Variants in PPIC observed in about 807,000 individuals in gnomAD.
PPIC encodes the protein peptidyl-prolyl cis-trans isomerase C.
In PPIC, 19 loss-of-function variants were observed where a neutral mutation model predicts 19.5. The ratio of observed to expected loss-of-function variants is 0.98; its 90% CI spans 0.68 to 1.43. The LOEUF (loss-of-function observed/expected upper bound fraction) is 1.43, where lower values mean the gene tolerates loss of function less well. Ranked by LOEUF, PPIC falls within the 40% of genes most tolerant of loss-of-function variation. The probability of loss-of-function intolerance (pLI) is 0.00; values close to 1 mark genes in which losing one functional copy is unlikely to be tolerated. For synonymous variants in PPIC, 107 were observed against 101.2 expected, an observed-to-expected ratio of 1.06 and a Z score of -0.34; for missense variants, 268 against 268.6, an observed-to-expected ratio of 1.00 and a Z score of 0.02.
Position 123,023,636 on chromosome 5 carries a change from G to T in PPIC, c.*239C>A. On this transcript the variant is annotated 3_prime_UTR_variant, in exon 5 of 5. Transcript: ENST00000306442. ...CAAAGTTTTTTTTAGTTTTAAAATA[G>T]CACCACTTGAGGAAGGGGATATATT... 1 of 399,990 alleles carries T rather than the reference G, an allele frequency of 2.5e-6. No homozygotes were observed. Among genetic ancestry groups the T allele is most frequent in the Non-Finnish European group, 3.9e-6 (1 of 254,962 alleles). 24.8% of individuals were successfully genotyped at this position (399,990 alleles called of 1,614,324 possible). A position where few individuals can be genotyped will look rare whatever the true frequency, so the allele number is the denominator to read the frequency against.
intron 1 of PPIC, among the ~76,000 whole-genome samples, chr5:123,035,985 G>A (rs1044350439): frequency 1.3e-5 from 2 of 152,148 alleles, no homozygotes; most frequent in African/African-American, 4.8e-5. Flanking sequence ...GAGGCGGAGG[G>A]TAGTCTCTCA....
intron 1 of PPIC, 91 bp from the exon 2 acceptor site, chr5:123,029,509 A>G: frequency 1.4e-6 from 2 of 1,455,696 alleles, no homozygotes; most frequent in Non-Finnish European, 1.8e-6. Flanking sequence ...GAATTGACCC[A>G]CATACAAAAG....
Position 123,023,949 on chromosome 5 carries a change from T to C in PPIC, c.565A>G (p.Thr189Ala), listed in dbSNP as rs149445499. ...CCACTGTTGATGATCGAGCAGTTGG[T>C]GAGTGGACGGTCATGCCCATCAGTT... ...QATDGHDRPLTNCSIINSGKI... is the reference protein window; with the variant it reads ...QATDGHDRPLANCSIINSGKI... The change falls in exon 5 of 5, where the codon ACC becomes GCC. Residue 189 changes from threonine to alanine, a missense_variant. Transcript: ENST00000306442. The C allele has an allele frequency of 2.9e-4, 471 of 1,614,112 alleles. 1 individual carries two copies. In the African/African-American group the frequency reaches 5.7e-3, roughly 20 times the overall value.
At chr5:123,024,605 A>C (rs1239884106) in intron 4 of PPIC, among the ~76,000 whole-genome samples, 1 of 152,220 alleles carries the variant, frequency 6.6e-6, no homozygotes, top group Admixed American at 6.5e-5. Context: ...AGTATTTCAC[A>C]CTGAAGTAGG....
intron 1 of PPIC, among the ~76,000 whole-genome samples, chr5:123,031,205 T>C (rs1477652391): frequency 6.6e-6 from 1 of 152,208 alleles, no homozygotes; most frequent in African/African-American, 2.4e-5. Context: ...TGCAAGGTTA[T>C]GTAAAAGGCA....
chr5:123,023,905 C>G lies in PPIC; in HGVS notation c.609G>C (p.Thr203=). ...IINSGKIDVK[T]PFVVEIADW is the part of the protein sequence containing the mutation. ...AATCAGCGATCTCAACCACAAAAGG[C>G]GTTTTCACGTCTATCTTGCCACTGT... The change falls in exon 5 of 5, where the codon ACG becomes ACC. Residue 203 remains threonine (T), a synonymous_variant. Coordinates refer to ENST00000306442, the MANE Select transcript of PPIC (RefSeq NM_000943.5). 6.2e-7 allele frequency: 1 copy of G among 1,613,574 alleles called. No homozygotes were observed. The highest frequency in any genetic ancestry group is 1.1e-5 in the South Asian group (1 of 91,044).
intron 3 of PPIC, among the ~76,000 whole-genome samples, chr5:123,027,058 G>A (rs1202277470): frequency 6.6e-6 from 1 of 152,132 alleles, no homozygotes; most frequent in Non-Finnish European, 1.5e-5. Context: ...GCCGGGCATG[G>A]TGGCGGGCGC....
At chr5:123,035,001 A>C (rs1319422206) in intron 1 of PPIC, among the ~76,000 whole-genome samples, 1 of 152,154 alleles carries the variant, frequency 6.6e-6, no homozygotes, top group East Asian at 1.9e-4. Flanking sequence ...TTCAAATTTT[A>C]AGAATTGCCT....
rs1336726158 is a variant in PPIC at position 123,036,307 on chromosome 5, A to G, written c.117+202T>C. Reference sequence around the variant, plus strand: ...GGCGGAGGTAGGCTGGCCTCAGCCCAGCTCCCCCAGGGTCTCCCCCGGAGC... The same window carrying G: ...GGCGGAGGTAGGCTGGCCTCAGCCCGGCTCCCCCAGGGTCTCCCCCGGAGC... On this transcript the variant is annotated intron_variant, in intron 1 of 4. Coordinates refer to ENST00000306442, the MANE Select transcript of PPIC (RefSeq NM_000943.5). The surrounding 1 kb of genome is among the most constrained non-coding windows in gnomAD (Gnocchi z 4.5). The G allele has an allele frequency of 1.0e-5, 6 of 585,192 alleles. No homozygotes were observed. The highest frequency in any genetic ancestry group is 9.7e-5 in the African/African-American group (5 of 51,638). The allele number at this position is 585,192 out of a possible 1,614,324, so 36.2% of individuals were successfully genotyped here. A position where few individuals can be genotyped will look rare whatever the true frequency, so the allele number is the denominator to read the frequency against.
At position 123,036,232 on chromosome 5, in the gene PPIC, G is replaced by T. The variant is rs377581140; in HGVS notation, c.117+277C>A. The T allele has an allele frequency of 4.7e-5, 23 of 489,902 alleles. No individual in the cohort carries two copies. In the East Asian group the frequency reaches 7.7e-4, roughly 16 times the overall value. 30.3% of individuals were successfully genotyped at this position (489,902 alleles called of 1,614,324 possible). On this transcript the variant is annotated intron_variant, in intron 1 of 4. Transcript: ENST00000306442. The surrounding 1 kb of genome is among the most constrained non-coding windows in gnomAD (Gnocchi z 4.5). The stretch of plus-strand genomic sequence containing the variant: ...TTCCGGAAGCCTCTCCTACCCCCAG[G>T]CTGGTCACCTCGGACTACCGACCCG...
At chr5:123,031,221 A>G (rs1762937293) in intron 1 of PPIC, among the ~76,000 whole-genome samples, 1 of 152,242 alleles carries the variant, frequency 6.6e-6, no homozygotes, top group Non-Finnish European at 1.5e-5. Flanking sequence ...AGGCAATGTG[A>G]GGGCACAAAC....
Position 123,036,272 on chromosome 5 carries a change from A to G in PPIC, c.117+237T>C. ...CTACCGACCCGGGACAAGAAGTCCAAGCAGACTGCGGCGGAGGTAGGCTGG... is the reference window on the plus strand; with the variant it reads ...CTACCGACCCGGGACAAGAAGTCCAGGCAGACTGCGGCGGAGGTAGGCTGG... On this transcript the variant is annotated intron_variant, in intron 1 of 4. Transcript: ENST00000306442. The surrounding 1 kb of genome is among the most constrained non-coding windows in gnomAD (Gnocchi z 4.5). 1.8e-6 allele frequency: 1 copy of G among 554,068 alleles called. No homozygotes were observed. The highest frequency in any genetic ancestry group is 4.9e-4 in the Middle Eastern group (1 of 2,058). The allele number at this position is 554,068 out of a possible 1,614,324, so 34.3% of individuals were successfully genotyped here. A position where few individuals can be genotyped will look rare whatever the true frequency, so the allele number is the denominator to read the frequency against.
intron 3 of PPIC, among the ~76,000 whole-genome samples, chr5:123,026,816 C>G (rs1000915658): frequency 1.3e-5 from 2 of 152,184 alleles, no homozygotes; most frequent in African/African-American, 4.8e-5. Flanking sequence ...CCTCCAATAC[C>G]TCAAGGGTCT....
intron 1 of PPIC, among the ~76,000 whole-genome samples, chr5:123,033,248 C>T (rs1262080280): frequency 6.6e-6 from 1 of 152,198 alleles, no homozygotes; most frequent in Non-Finnish European, 1.5e-5. Flanking sequence ...AAATCAGGGA[C>T]TATGGACTAT....
At chr5:123,032,705 A>G (rs141794044) in intron 1 of PPIC, among the ~76,000 whole-genome samples, 5 of 152,364 alleles carry the variant, frequency 3.3e-5, no homozygotes, top group Non-Finnish European at 7.3e-5. Flanking sequence ...TCAGTCCAAC[A>G]GAAAACACAT....
At position 123,023,925 on chromosome 5, in the gene PPIC, C is replaced by T; in HGVS notation, c.589G>A (p.Gly197Ser). 1.2e-6 allele frequency: 2 copies of T among 1,614,090 alleles called. No homozygotes were observed. Among genetic ancestry groups the T allele is most frequent in the Non-Finnish European group, 1.7e-6 (2 of 1,180,024 alleles). ...PLTNCSIINS[G>S]KIDVKTPFVV... ...AAAGGCGTTTTCACGTCTATCTTGC[C>T]ACTGTTGATGATCGAGCAGTTGGTG... is the stretch of plus-strand genomic sequence containing the variant. Residue 197 changes from glycine to serine, a missense_variant, in exon 5 of 5, where the codon GGC (glycine) becomes AGC (serine). Gly to Ser is a moderately conservative substitution (Grantham distance 56, BLOSUM62 0). Coordinates refer to ENST00000306442, the MANE Select transcript of PPIC (RefSeq NM_000943.5).
Position 123,036,533 on chromosome 5 carries a change from C to T in PPIC, c.93G>A (p.Lys31=). ...VFSSGAEGFR[K]RGPSVTAKVF... ...CCTTGGCCGTCACCGAGGGGCCTCG[C>T]TTGCGGAAGCCCTCGGCCCCCGAAG... The change falls in exon 1 of 5, where the codon AAG becomes AAA. Residue 31 remains lysine, a synonymous_variant. Coordinates refer to ENST00000306442, the MANE Select transcript of PPIC (RefSeq NM_000943.5). The surrounding 1 kb of genome is among the most constrained non-coding windows in gnomAD (Gnocchi z 4.5). The T allele has an allele frequency of 6.2e-7, 1 of 1,606,388 alleles. No homozygotes were observed. Among genetic ancestry groups the T allele is most frequent in the South Asian group, 1.1e-5 (1 of 89,814 alleles).
Position 123,025,938 on chromosome 5 carries a change from T to C in PPIC, c.356A>G (p.Asp119Gly), listed in dbSNP as rs1762847006. 6.2e-7 allele frequency: 1 copy of C among 1,607,522 alleles called. No homozygotes were observed. The highest frequency in any genetic ancestry group is 1.1e-5 in the South Asian group (1 of 89,152). ...ATAGTGCTTCAGCTTGAAGTTCTCA[T>C]CTGGAAATGTCTCACCATAGATGCT... Reference protein sequence around the residue: ...GVSIYGETFPDENFKLKHYGI... With the variant: ...GVSIYGETFPGENFKLKHYGI... Residue 119 changes from aspartate to glycine, a missense_variant, in exon 4 of 5, where the codon GAT becomes GGT. Coordinates refer to ENST00000306442, the MANE Select transcript of PPIC (RefSeq NM_000943.5).
chr5:123,023,807 AACACACACACAC>A lies in PPIC; in HGVS notation c.*56_*67del, dbSNP rs70988555. ...AAAGCAAATAATTGAAAGACAACAC[AACACACACACAC>A]ACACACACACACACACACCCCTGCC... On this transcript the variant is annotated 3_prime_UTR_variant, in exon 5 of 5. Coordinates refer to ENST00000306442, the MANE Select transcript of PPIC (RefSeq NM_000943.5). The A allele has an allele frequency of 7.7e-6, 10 of 1,294,872 alleles. No homozygotes were observed. Among genetic ancestry groups the A allele is most frequent in the South Asian group, 3.9e-5 (2 of 51,060 alleles). 80.2% of individuals were successfully genotyped at this position (1,294,872 alleles called of 1,614,324 possible). A position where few individuals can be genotyped will look rare whatever the true frequency, so the allele number is the denominator to read the frequency against.
Sources: gnomAD v4.1 joint callset for allele counts (sites outside exome capture counted in the v4.1 genomes callset) on GRCh38, gnomAD v4.1.1 for gene constraint, Gnocchi (gnomAD v3.1) non-coding constraint, MANE v1.5 for transcripts, NCBI Gene and HGNC (gene_info 2026-07-23, HGNC 2026-07-21) for gene names.